The following HDAC4 variants were observed in gnomAD, a reference collection of about 807,000 sequenced individuals.
HDAC4 encodes the protein histone deacetylase 4, also known as histone deacetylase A.
HDAC4 carries 16 observed loss-of-function variants against 135.1 expected under a neutral mutation model. The ratio of observed to expected loss-of-function variants is 0.12; its 90% CI spans 0.08 to 0.18. The LOEUF (loss-of-function observed/expected upper bound fraction) is 0.18. HDAC4 is among the 10% of genes least tolerant of loss of function. The probability of loss-of-function intolerance (pLI) is 1.00; values close to 1 mark genes in which losing one functional copy is unlikely to be tolerated. For missense variants in HDAC4, 1,143 were observed against 1,511.8 expected, an observed-to-expected ratio of 0.76 and a Z score of 4.05; for synonymous variants, 685 against 653.4, an observed-to-expected ratio of 1.05 and a Z score of -0.74.
intron 24 of HDAC4, among the ~76,000 whole-genome samples, chr2:239,061,073 C>T (rs764745839): frequency 2.0e-5 from 3 of 152,246 alleles, no homozygotes; most frequent in Admixed American, 6.5e-5. Context: ...GGACCCTGTG[C>T]GCGCCACAAT....
chr2:239,304,996 C>A (rs991405193), intron 2 of HDAC4, among the ~76,000 whole-genome samples: 1 of 152,146 alleles, frequency 6.6e-6, no homozygotes, highest in Non-Finnish European at 1.5e-5. Flanking sequence ...AGGACAGTCC[C>A]GCGCTTTCTT....
In HDAC4 at chr2:239,054,751, T is replaced by A. The variant is rs1480836583; in HGVS notation, c.3086A>T (p.His1029Leu). 1 of 1,609,396 alleles carries A rather than the reference T, an allele frequency of 6.2e-7. No homozygotes were observed. Among genetic ancestry groups the A allele is most frequent in the Admixed American group, 1.7e-5 (1 of 60,018 alleles). ...VRSMEKVMEI[H>L]SKYWRCLQRT... ...GAGCACCCAGCCAGGCAACTTACTG[T>A]GGATCTCCATGACTTTCTCCATGGA... Residue 1029 changes from histidine (H) to leucine (L), a missense_variant and splice_region_variant, in exon 25 of 27, where the codon CAC becomes CTC. By Grantham distance (99) the His-to-Leu change is moderately conservative (BLOSUM62 -3). Around this residue, in one of 9 missense-constraint regions of HDAC4, gnomAD observed 131 missense variants for 130.6 expected, o/e 1.00. Coordinates refer to ENST00000543185, the MANE Select transcript of HDAC4 (RefSeq NM_001378414.1).
chr2:239,363,193 G>A (rs912610980), intron 1 of HDAC4, among the ~76,000 whole-genome samples: 12 of 152,184 alleles, frequency 7.9e-5, no homozygotes, highest in Middle Eastern at 3.2e-3. Context: ...TGCATGGACC[G>A]GAAACCCCAA....
At chr2:239,128,967 C>T (rs3791457) in intron 11 of HDAC4, among the ~76,000 whole-genome samples, 19,851 of 152,232 alleles carry the variant, frequency 0.13, 1,663 homozygotes, top group Non-Finnish European at 0.18. Flanking sequence ...CGCCATCCTC[C>T]GCATGGGCCC....
intron 2 of HDAC4, among the ~76,000 whole-genome samples, chr2:239,281,587 TCCAC>T (rs1414634423): frequency 2.2e-5 from 3 of 137,092 alleles, no homozygotes; most frequent in East Asian, 2.2e-4. Flanking sequence ...CACACCACTC[TCCAC>T]ACAATGTACA....
rs888785496 is a variant in HDAC4 at position 239,309,455 on chromosome 2, C to G, written c.22+43223G>C. On this transcript the variant is annotated intron_variant, in intron 2 of 26. Coordinates refer to ENST00000543185, the MANE Select transcript of HDAC4 (RefSeq NM_001378414.1). This position sits in a 1 kb window ranked among gnomAD's most constrained non-coding sequence, Gnocchi z 4.2. Reference sequence around the variant, plus strand: ...CCCAAGGAAGCAAGAAGCGGGACCCCGCCTTCTCAGCCACCTCTCACTAAC... The same window carrying G: ...CCCAAGGAAGCAAGAAGCGGGACCCGGCCTTCTCAGCCACCTCTCACTAAC... 6.6e-6 allele frequency among the ~76,000 whole-genome samples: 1 copy of G among 152,242 alleles called. No individual in the cohort carries two copies. Among genetic ancestry groups the G allele is most frequent in the Non-Finnish European group, 1.5e-5 (1 of 68,050 alleles).
intron 12 of HDAC4, among the ~76,000 whole-genome samples, chr2:239,117,722 C>T (rs1400472005): frequency 6.6e-6 from 1 of 152,052 alleles, no homozygotes; most frequent in African/African-American, 2.4e-5. Context: ...AGTCCCAGAT[C>T]GAGGGGTCTC....
intron 23 of HDAC4, 198 bp from the exon 24 acceptor site, chr2:239,067,053 T>C (rs2033597493): frequency 3.0e-6 from 2 of 660,486 alleles, no homozygotes; most frequent in Non-Finnish European, 5.4e-6. Context: ...AGAGGAGGAA[T>C]TATGGCTTCA....
intron 2 of HDAC4, among the ~76,000 whole-genome samples, chr2:239,251,274 A>G (rs2048769974): frequency 1.3e-5 from 2 of 152,244 alleles, no homozygotes; most frequent in African/African-American, 2.4e-5. Context: ...CACCACAGCT[A>G]GCGTCGTGGG....
At chr2:239,365,742 T>C (rs926883333) in intron 1 of HDAC4, among the ~76,000 whole-genome samples, 5 of 150,934 alleles carry the variant, frequency 3.3e-5, no homozygotes, top group Non-Finnish European at 7.4e-5. Context: ...GTCGTCAGGG[T>C]CACGCACGTG....
At chr2:239,197,492 G>T (rs1315305227) in intron 3 of HDAC4, among the ~76,000 whole-genome samples, 4 of 152,136 alleles carry the variant, frequency 2.6e-5, no homozygotes, top group Non-Finnish European at 5.9e-5. Flanking sequence ...CATCGTAGGG[G>T]GCTCCCTGAA....
intron 2 of HDAC4, among the ~76,000 whole-genome samples, chr2:239,305,166 A>C (rs2052506794): frequency 6.6e-6 from 1 of 152,220 alleles, no homozygotes; most frequent in Admixed American, 6.5e-5. Context: ...CTTGAGTAAC[A>C]CAAATACGGC....
At chr2:239,388,223 G>C (rs566735349) in intron 1 of HDAC4, among the ~76,000 whole-genome samples, 1 of 152,354 alleles carries the variant, frequency 6.6e-6, no homozygotes, top group South Asian at 2.1e-4. Flanking sequence ...AGGAAACCCT[G>C]AAGTCTGCTT....
At chr2:239,362,067 A>G (rs1693904695) in intron 1 of HDAC4, among the ~76,000 whole-genome samples, 1 of 152,226 alleles carries the variant, frequency 6.6e-6, no homozygotes, top group South Asian at 2.1e-4. Flanking sequence ...TTCAAACACA[A>G]TGCCTTTTAG....
At chr2:239,189,421 G>A (rs2044758056) in intron 4 of HDAC4, among the ~76,000 whole-genome samples, 1 of 152,146 alleles carries the variant, frequency 6.6e-6, no homozygotes. Flanking sequence ...TAAAAGGTTA[G>A]TAGAGAAAAT....
At chr2:239,067,071 G>A (rs1323485186) in intron 23 of HDAC4, 1 of 631,394 alleles carries the variant, frequency 1.6e-6, no homozygotes, top group East Asian at 2.8e-5. Context: ...TCAATGCTTT[G>A]ATTTTTAATC....
At chr2:239,082,862 C>T (rs2035484180) in intron 20 of HDAC4, among the ~76,000 whole-genome samples, 1 of 152,258 alleles carries the variant, frequency 6.6e-6, no homozygotes. Flanking sequence ...GGCTGTTCTG[C>T]CCCGGGCCAC....
chr2:239,244,275 C>CG (rs1001954820), intron 2 of HDAC4, among the ~76,000 whole-genome samples: 1 of 152,196 alleles, frequency 6.6e-6, no homozygotes, highest in African/African-American at 2.4e-5. Context: ...TAAGGAGGGA[C>CG]GGAAAACTCC....
chr2:239,346,901 TCACACACACACCCTGTCTAAAA>T (rs1474928486), intron 2 of HDAC4, among the ~76,000 whole-genome samples: 1 of 125,616 alleles, frequency 8.0e-6, no homozygotes, highest in Non-Finnish European at 1.7e-5. Flanking sequence ...ACCCTGTCTC[TCACACACACACCCTGTCTAAAA>T]CACACACACA....
Sources: allele counts gnomAD v4.1 joint callset (sites outside exome capture counted in the v4.1 genomes callset), GRCh38; gene constraint gnomAD v4.1.1; regional missense constraint gnomAD v4.1.1; non-coding constraint Gnocchi (gnomAD v3.1); transcripts MANE v1.5; gene names NCBI Gene and HGNC (gene_info 2026-07-23, HGNC 2026-07-21).